The following ST18 variants were observed in gnomAD, a reference collection of about 807,000 sequenced individuals.
ST18 encodes suppression of tumorigenicity 18 protein.
A neutral mutation model predicts 110.0 loss-of-function variants in ST18; 50 were observed. The ratio of observed to expected loss-of-function variants is 0.45; its 90% CI spans 0.36 to 0.58. The LOEUF is 0.58. Among genes scored for constraint, ST18 ranks in the 20% least tolerant of loss-of-function variants. The pLI, the probability that ST18 is intolerant of heterozygous loss-of-function variation, is 0.00. For missense variants in ST18, 1,306 were observed against 1,280.1 expected (o/e 1.02, Z -0.31); for synonymous variants, 461 against 452.4 (o/e 1.02, Z -0.24).
intron 8 of ST18, among the ~76,000 whole-genome samples, chr8:52,209,786 AAAATAT>A (rs1554719606): frequency 2.9e-3 from 381 of 133,494 alleles, no homozygotes; most frequent in African/African-American, 0.011. Context: ...AAAAAAAAAA[AAAATAT>A]ATATATATAT....
intron 5 of ST18, among the ~76,000 whole-genome samples, chr8:52,219,200 G>A (rs1351919713): frequency 6.6e-6 from 1 of 152,108 alleles, no homozygotes; most frequent in African/African-American, 2.4e-5. Context: ...GTCACACAAG[G>A]AAAAATCATG....
intron 23 of ST18, among the ~76,000 whole-genome samples, chr8:52,124,687 G>A (rs1304837806): frequency 1.3e-5 from 2 of 152,152 alleles, no homozygotes; most frequent in Non-Finnish European, 2.9e-5. Flanking sequence ...GCATGTGAAT[G>A]CTGGAAAGAC....
intron 2 of ST18, among the ~76,000 whole-genome samples, chr8:52,239,760 A>C (rs1332312163): frequency 6.6e-6 from 1 of 152,098 alleles, no homozygotes; most frequent in African/African-American, 2.4e-5. Flanking sequence ...TCTTTCTTAT[A>C]GGACCCCAGA....
chr8:52,163,686 C>T (rs1340807542), intron 13 of ST18, among the ~76,000 whole-genome samples: 1 of 151,988 alleles, frequency 6.6e-6, no homozygotes, highest in Non-Finnish European at 1.5e-5. Flanking sequence ...ACTTAGTAAC[C>T]CACAATTCTG....
chr8:52,319,317 T>C (rs1347520746), intron 2 of ST18, among the ~76,000 whole-genome samples: 1 of 152,170 alleles, frequency 6.6e-6, no homozygotes, highest in Non-Finnish European at 1.5e-5. Context: ...AACCATGCCA[T>C]TCAAATCCTC....
chr8:52,199,376 G>A (rs1388704403), intron 8 of ST18: 1 of 152,280 alleles, frequency 6.6e-6, no homozygotes, highest in Non-Finnish European at 1.5e-5. Flanking sequence ...CCCTCATGCT[G>A]GCTGGCTGGA....
chr8:52,284,709 C>T (rs1290562174), intron 2 of ST18, among the ~76,000 whole-genome samples: 1 of 152,048 alleles, frequency 6.6e-6, no homozygotes, highest in Non-Finnish European at 1.5e-5. Context: ...GAGTCCCAGA[C>T]AATGCCAGAG....
chr8:52,130,164 A>AAAGAAAGAG (rs1563565042), intron 22 of ST18, among the ~76,000 whole-genome samples: 5 of 122,936 alleles, frequency 4.1e-5, no homozygotes, highest in African/African-American at 1.6e-4. Context: ...AGAAAGAAAG[A>AAAGAAAGAG]AAAAGAAAAG....
intron 8 of ST18, among the ~76,000 whole-genome samples, chr8:52,209,713 T>C (rs1478694276): frequency 7.3e-6 from 1 of 137,842 alleles, no homozygotes; most frequent in Non-Finnish European, 1.5e-5. Context: ...GAGGTTGCAG[T>C]GAACCGAGAT....
At chr8:52,241,390 T>C (rs2093386196) in intron 2 of ST18, among the ~76,000 whole-genome samples, 1 of 152,240 alleles carries the variant, frequency 6.6e-6, no homozygotes, top group South Asian at 2.1e-4. Context: ...AAAAATAGAA[T>C]TGGCTATGCC....
At position 52,113,052 on chromosome 8, in the gene ST18, A is replaced by G; in HGVS notation, c.*146T>C. The G allele has an allele frequency of 3.5e-6, 3 of 855,826 alleles. No individual in the cohort carries two copies. The highest frequency in any genetic ancestry group is 4.9e-6 in the Non-Finnish European group (3 of 613,354). The allele number at this position is 855,826 out of a possible 1,614,324, so 53.0% of individuals were successfully genotyped here. ...ATAGTTTTTCTTTCCTTTTTATATC[A>G]GCTGGGGAAAATAAAATTAGTGCAA... is the stretch of plus-strand genomic sequence containing the variant. On this transcript the variant is annotated 3_prime_UTR_variant, in exon 26 of 26. Transcript: ENST00000689386.
chr8:52,218,701 C>T (rs1372897486), intron 5 of ST18, among the ~76,000 whole-genome samples: 1 of 151,736 alleles, frequency 6.6e-6, no homozygotes, highest in Non-Finnish European at 1.5e-5. Flanking sequence ...CACCCGGCTG[C>T]CGCTCTTAAT....
chr8:52,390,950 T>C (rs1038951218), intron 2 of ST18, among the ~76,000 whole-genome samples: 1 of 152,222 alleles, frequency 6.6e-6, no homozygotes, highest in Non-Finnish European at 1.5e-5. Flanking sequence ...AATCAATAAA[T>C]GGATAACAAC....
intron 2 of ST18, among the ~76,000 whole-genome samples, chr8:52,328,320 A>G (rs531588192): frequency 6.6e-6 from 1 of 152,342 alleles, no homozygotes; most frequent in East Asian, 1.9e-4. Context: ...GTAAAATGAC[A>G]TTAGTAGGAT....
chr8:52,322,232 T>C (rs1804259499), intron 2 of ST18, among the ~76,000 whole-genome samples: 1 of 152,226 alleles, frequency 6.6e-6, no homozygotes, highest in South Asian at 2.1e-4. Flanking sequence ...AGTTCCTTTC[T>C]TCAGTTTTTC....
In ST18 at chr8:52,158,862, C is replaced by T. The variant is rs957302557; in HGVS notation, c.1806+36G>A. The stretch of plus-strand genomic sequence containing the variant: ...AGGCAGTTTATTCTCACAGTTCAGT[C>T]GCTGGCCCACCCTCCGGGCTCTTGG... On this transcript the variant is annotated intron_variant, in intron 15 of 25. Coordinates refer to ENST00000689386, the MANE Select transcript of ST18 (RefSeq NM_001352837.2). 69 of 1,611,084 alleles carry T rather than the reference C, an allele frequency of 4.3e-5. 1 individual carries two copies. The highest frequency in any genetic ancestry group is 5.6e-5 in the Non-Finnish European group (66 of 1,177,774).
chr8:52,202,281 A>G (rs1190354322), intron 8 of ST18, among the ~76,000 whole-genome samples: 1 of 149,138 alleles, frequency 6.7e-6, no homozygotes. Flanking sequence ...CTCAAAACAA[A>G]CAGGGGTAGA....
At chr8:52,371,078 T>C (rs953108948) in intron 2 of ST18, among the ~76,000 whole-genome samples, 2 of 152,346 alleles carry the variant, frequency 1.3e-5, no homozygotes, top group East Asian at 3.9e-4. Context: ...AATAATACTG[T>C]GCGGTGGTTT....
chr8:52,124,760 C>T (rs1476822724), intron 23 of ST18, among the ~76,000 whole-genome samples: 1 of 152,096 alleles, frequency 6.6e-6, no homozygotes, highest in African/African-American at 2.4e-5. Context: ...GTACACTCCC[C>T]TCCTTTGGCG....
Sources: allele counts gnomAD v4.1 joint callset (sites outside exome capture counted in the v4.1 genomes callset), GRCh38; gene constraint gnomAD v4.1.1; transcripts MANE v1.5; gene names NCBI Gene and HGNC (gene_info 2026-07-23, HGNC 2026-07-21).